Variants in VPS50 observed in about 807,000 individuals in gnomAD.
VPS50 encodes syndetin.
A neutral mutation model predicts 139.7 loss-of-function variants in VPS50; 70 were observed. The ratio of observed to expected loss-of-function variants is 0.50; its 90% CI spans 0.41 to 0.61. The LOEUF (loss-of-function observed/expected upper bound fraction) is 0.61. VPS50 is among the 20% of genes least tolerant of loss of function. The pLI, the probability that VPS50 is intolerant of heterozygous loss-of-function variation, is 0.00. For missense variants in VPS50, 921 were observed against 1,133.7 expected (o/e 0.81, Z 2.69); for synonymous variants, 365 against 376.7 (o/e 0.97, Z 0.36).
chr7:93,301,421 T>C (rs1182090799), intron 16 of VPS50, among the ~76,000 whole-genome samples: 1 of 152,198 alleles, frequency 6.6e-6, no homozygotes, highest in Non-Finnish European at 1.5e-5. Flanking sequence ...ACCAACTTTG[T>C]AACTGCGTTT....
At position 93,256,406 on chromosome 7, in the gene VPS50, G is replaced by A. The variant is rs1370910990; in HGVS notation, c.298-103G>A. On this transcript the variant is annotated intron_variant, in intron 4 of 27. Transcript: ENST00000305866. ...CCAATATCTGCTCCCAAAGTTATTGGGGAGATCTATGGAATATTCTTTTAA... is the reference window on the plus strand; with the variant it reads ...CCAATATCTGCTCCCAAAGTTATTGAGGAGATCTATGGAATATTCTTTTAA... 7.3e-6 allele frequency: 4 copies of A among 547,538 alleles called. No individual in the cohort carries two copies. In the Admixed American group the frequency reaches 1.6e-4, roughly 22 times the overall value. 33.9% of individuals were successfully genotyped at this position (547,538 alleles called of 1,614,324 possible). A position where few individuals can be genotyped will look rare whatever the true frequency, so the allele number is the denominator to read the frequency against.
intron 12 of VPS50, among the ~76,000 whole-genome samples, chr7:93,286,201 A>C (rs1020109870): frequency 1.2e-4 from 19 of 152,206 alleles, no homozygotes; most frequent in African/African-American, 4.6e-4. Flanking sequence ...ATTCTTAAAA[A>C]AATTTCAAGA....
At chr7:93,262,143 G>A (rs1025440502) in intron 9 of VPS50, among the ~76,000 whole-genome samples, 4 of 152,196 alleles carry the variant, frequency 2.6e-5, no homozygotes, top group Admixed American at 1.3e-4. Context: ...AGCAGAGATT[G>A]ACTTTGAAAA....
intron 22 of VPS50, among the ~76,000 whole-genome samples, chr7:93,339,953 T>G (rs1798169272): frequency 6.6e-6 from 1 of 152,262 alleles, no homozygotes; most frequent in Admixed American, 6.5e-5. Flanking sequence ...ATGGAATTCA[T>G]TGCCATGTCA....
intron 23 of VPS50, among the ~76,000 whole-genome samples, chr7:93,344,861 CCA>C (rs1247493844): frequency 6.6e-6 from 1 of 151,650 alleles, no homozygotes; most frequent in African/African-American, 2.4e-5. Context: ...CACTAAATGC[CCA>C]CAAGAGAAAG....
chr7:93,345,345 C>A (rs1798359238), intron 23 of VPS50, among the ~76,000 whole-genome samples: 1 of 152,030 alleles, frequency 6.6e-6, no homozygotes, highest in South Asian at 2.1e-4. Flanking sequence ...CAATAGCTTA[C>A]CAACGAAAAA....
At chr7:93,246,115 G>A (rs1487637245) in intron 2 of VPS50, 7 of 1,518,836 alleles carry the variant, frequency 4.6e-6, no homozygotes, top group African/African-American at 1.4e-5. Flanking sequence ...GAGCCCTAAC[G>A]TGATGTTAAC....
Position 93,358,487 on chromosome 7 carries a change from G to T in VPS50, c.*51G>T. 1.3e-6 allele frequency: 2 copies of T among 1,533,644 alleles called. No homozygotes were observed. Among genetic ancestry groups the T allele is most frequent in the South Asian group, 2.4e-5 (2 of 84,742 alleles). Reference sequence around the variant, plus strand: ...GCATTGATCCTCACTCAACATATATGACCTGAAAGCCAGTTTTTTTATGCA... The same window carrying T: ...GCATTGATCCTCACTCAACATATATTACCTGAAAGCCAGTTTTTTTATGCA... On this transcript the variant is annotated 3_prime_UTR_variant, in exon 28 of 28. Transcript: ENST00000305866.
rs1476339929 is a variant in VPS50 at position 93,360,484 on chromosome 7, G to A, written c.*2048G>A. On this transcript the variant is annotated 3_prime_UTR_variant, in exon 28 of 28. Transcript: ENST00000305866. ...GCATCAAAACAGTAACAGGAGGTTT[G>A]AGTCATGAAGTTACCTAATCACAAG... 1 of 144,346 alleles carries A rather than the reference G, an allele frequency of 6.9e-6. No homozygotes were observed. Among genetic ancestry groups the A allele is most frequent in the Non-Finnish European group, 1.5e-5 (1 of 66,326 alleles). 8.9% of individuals were successfully genotyped at this position (144,346 alleles called of 1,614,324 possible).
chr7:93,312,349 T>C (rs1410673705), intron 20 of VPS50, among the ~76,000 whole-genome samples: 1 of 152,200 alleles, frequency 6.6e-6, no homozygotes, highest in Non-Finnish European at 1.5e-5. Context: ...GGGAGAGTGC[T>C]GAGTGGTCAT....
intron 20 of VPS50, among the ~76,000 whole-genome samples, chr7:93,322,475 C>T (rs1202595946): frequency 6.6e-6 from 1 of 151,356 alleles, no homozygotes; most frequent in Admixed American, 6.6e-5. Flanking sequence ...TAGCGGGCGC[C>T]TGTAGTCCCA....
intron 12 of VPS50, among the ~76,000 whole-genome samples, chr7:93,283,425 G>A (rs946671721): frequency 4.6e-5 from 7 of 151,774 alleles, no homozygotes; most frequent in South Asian, 2.1e-4. Flanking sequence ...GATTAGAGAC[G>A]AGGTTTCACC....
chr7:93,286,698 A>T (rs758590774), intron 12 of VPS50, among the ~76,000 whole-genome samples: 6 of 152,012 alleles, frequency 3.9e-5, no homozygotes, highest in Non-Finnish European at 5.9e-5. Context: ...TTATTTGCTT[A>T]TTCTCTGGCT....
intron 12 of VPS50, among the ~76,000 whole-genome samples, chr7:93,280,499 T>C (rs1796291693): frequency 6.6e-6 from 1 of 152,018 alleles, no homozygotes; most frequent in Admixed American, 6.6e-5. Flanking sequence ...TTGTTTGTGA[T>C]TGCATTTACA....
chr7:93,328,016 G>A (rs1271973504), intron 21 of VPS50, among the ~76,000 whole-genome samples: 1 of 152,134 alleles, frequency 6.6e-6, no homozygotes, highest in South Asian at 2.1e-4. Flanking sequence ...ATATACATTA[G>A]TTCAAAGGAT....
intron 12 of VPS50, among the ~76,000 whole-genome samples, chr7:93,282,996 A>C (rs2116914341): frequency 6.6e-6 from 1 of 152,312 alleles, no homozygotes; most frequent in Middle Eastern, 3.4e-3. Context: ...TTAATGACCA[A>C]AAGGTAGGTA....
At chr7:93,309,322 G>A (rs752240375) in intron 19 of VPS50, among the ~76,000 whole-genome samples, 37 of 151,900 alleles carry the variant, frequency 2.4e-4, no homozygotes, top group Non-Finnish European at 3.5e-4. Flanking sequence ...GAGTTATACA[G>A]TTTGTTTGAC....
At chr7:93,256,107 C>G (rs555286630) in intron 4 of VPS50, among the ~76,000 whole-genome samples, 2 of 152,276 alleles carry the variant, frequency 1.3e-5, no homozygotes, top group African/African-American at 4.8e-5. Flanking sequence ...AGGATACAAG[C>G]AAGTTCTTTT....
intron 12 of VPS50, among the ~76,000 whole-genome samples, chr7:93,281,218 A>T (rs1049473831): frequency 2.0e-5 from 3 of 152,264 alleles, no homozygotes; most frequent in South Asian, 2.1e-4. Flanking sequence ...TCCCATTCTT[A>T]TAGGCTTTTA....
Sources: allele counts gnomAD v4.1 joint callset (sites outside exome capture counted in the v4.1 genomes callset), GRCh38; gene constraint gnomAD v4.1.1; transcripts MANE v1.5; gene names NCBI Gene and HGNC (gene_info 2026-07-23, HGNC 2026-07-21).